Variants in PRAG1 observed in about 807,000 individuals in gnomAD.
The protein encoded by PRAG1 is PEAK1 related, kinase-activating pseudokinase 1.
In PRAG1, 110 loss-of-function variants were observed where a neutral mutation model predicts 95.6. The observed-to-expected ratio is 1.15, with a 90% CI of 0.99 to 1.35. The LOEUF (loss-of-function observed/expected upper bound fraction) is 1.35. Ranked by LOEUF, PRAG1 falls within the 40% of genes most tolerant of loss-of-function variation. PRAG1 has a pLI of 0.00. For missense variants in PRAG1, 2,554 were observed against 1,864.7 expected (o/e 1.37, Z -6.81); for synonymous variants, 1,052 against 819.4 (o/e 1.28, Z -4.85).
chr8:8,330,113 C>G (rs1345996581), intron 4 of PRAG1, among the ~76,000 whole-genome samples: 1 of 152,182 alleles, frequency 6.6e-6, no homozygotes, highest in African/African-American at 2.4e-5. Context: ...TGCCTGTAAT[C>G]TCAGCACTTT....
intron 3 of PRAG1, among the ~76,000 whole-genome samples, chr8:8,340,468 C>G (rs1585236092): frequency 6.6e-6 from 1 of 152,220 alleles, no homozygotes; most frequent in East Asian, 1.9e-4. Flanking sequence ...AGATCCACAC[C>G]AGGTCCAGCT....
chr8:8,336,901 A>ACCCCCCTTCCCCCCCCCCCCCCCCCCCCC (rs1312709918), intron 4 of PRAG1, among the ~76,000 whole-genome samples: 1 of 22,192 alleles, frequency 4.5e-5, no homozygotes, highest in Non-Finnish European at 8.2e-5. Context: ...CCCTCCCCAC[A>ACCCCCCTTCCCCCCCCCCCCCCCCCCCCC]CCCCTTTCCC....
chr8:8,384,979 T>A (rs1480897743), intron 1 of PRAG1, among the ~76,000 whole-genome samples: 1 of 152,210 alleles, frequency 6.6e-6, no homozygotes, highest in African/African-American at 2.4e-5. Context: ...AGACTGAAGC[T>A]GTCAGATACA....
chr8:8,321,963 A>G (rs964956566), intron 5 of PRAG1, among the ~76,000 whole-genome samples: 2 of 152,166 alleles, frequency 1.3e-5, no homozygotes, highest in African/African-American at 2.4e-5. Flanking sequence ...TGTTTCATGT[A>G]TGCTTCTGTT....
At position 8,328,268 on chromosome 8, in the gene PRAG1, G is replaced by T. The variant is rs758462451; in HGVS notation, c.2514C>A (p.Pro838=). The T allele has an allele frequency of 1.1e-5, 17 of 1,614,054 alleles. No individual in the cohort carries two copies. Among genetic ancestry groups the T allele is most frequent in the Non-Finnish European group, 1.3e-5 (15 of 1,180,020 alleles). ...PDGFFWTQGS[P]KPGTASPKLN... is the part of the protein sequence containing the mutation. ...GCTTGGGGCTTGCTGTTCCGGGCTT[G>T]GGGGAGCCTTGGGTCCAGAAGAAGC... The change falls in exon 5 of 6, where the codon CCC becomes CCA. Residue 838 remains proline, a synonymous_variant. Transcript: ENST00000615670.
In PRAG1 at chr8:8,334,669, T is replaced by C. The variant is rs1798929852; in HGVS notation, c.2320+4809A>G. Among the ~76,000 whole-genome samples the C allele has an allele frequency of 2.0e-5, 3 of 149,596 alleles. 1 individual carries two copies. In the South Asian group the frequency reaches 6.5e-4, roughly 33 times the overall value. On this transcript the variant is annotated intron_variant, in intron 4 of 5. Coordinates refer to ENST00000615670, the MANE Select transcript of PRAG1 (RefSeq NM_001080826.3). The stretch of plus-strand genomic sequence containing the variant: ...CTCACTTTGGAAAACAGGCTCTAAG[T>C]ATCTCGAATGCCCTGCCTACAGCTC...
In PRAG1 at chr8:8,362,554, G is replaced by A. The variant is rs938840135; in HGVS notation, c.2162+13693C>T. Among the ~76,000 whole-genome samples, 4 of 152,186 alleles carry A rather than the reference G, an allele frequency of 2.6e-5. No individual in the cohort carries two copies. The South Asian group carries it at 8.3e-4, about 31-fold the overall frequency. On this transcript the variant is annotated intron_variant, in intron 3 of 5. Coordinates refer to ENST00000615670, the MANE Select transcript of PRAG1 (RefSeq NM_001080826.3). ...ACAAGGCAGTGGGGCACCTCCCCTA[G>A]GAGAAAGATCAGAGACCCTGCCCCA...
chr8:8,353,454 A>C (rs1258687016), intron 3 of PRAG1, among the ~76,000 whole-genome samples: 1 of 152,200 alleles, frequency 6.6e-6, no homozygotes, highest in African/African-American at 2.4e-5. Flanking sequence ...CTCCCAAAAC[A>C]ACCAGTAGTT....
At position 8,377,187 on chromosome 8, in the gene PRAG1, G is replaced by C. The variant is rs371225680; in HGVS notation, c.1222C>G (p.Gln408Glu). 13 of 1,611,748 alleles carry C rather than the reference G, an allele frequency of 8.1e-6. No individual in the cohort carries two copies. The Admixed American group carries it at 1.0e-4, about 12-fold the overall frequency. Residue 408 changes from glutamine (Q) to glutamate (E), a missense_variant, in exon 3 of 6, where the codon CAG becomes GAG. Coordinates refer to ENST00000615670, the MANE Select transcript of PRAG1 (RefSeq NM_001080826.3). ...CTCTCAGCATAGATGGGTTCAGGCT[G>C]TGTAGCCTCCCGGGGGTGGGCCGGG... Reference protein sequence around the residue: ...QPPAHPREATQPEPIYAESTK... With the variant: ...QPPAHPREATEPEPIYAESTK...
At position 8,376,567 on chromosome 8, in the gene PRAG1, C is replaced by G; in HGVS notation, c.1842G>C (p.Gln614His). Reference protein sequence around the residue: ...VAISDPSRCPQPAASSASEQR... With the variant: ...VAISDPSRCPHPAASSASEQR... ...GTTCCGAGGCTGACGAGGCGGCAGG[C>G]TGGGGACACCTGGATGGGTCACTGA... The change falls in exon 3 of 6, where the codon CAG becomes CAC. Residue 614 changes from glutamine (Q) to histidine (H), a missense_variant. Physicochemically the swap from Gln to His is conservative, Grantham distance 24 (BLOSUM62 0). Coordinates refer to ENST00000615670, the MANE Select transcript of PRAG1 (RefSeq NM_001080826.3). The G allele has an allele frequency of 1.2e-6, 2 of 1,607,216 alleles. No homozygotes were observed. The highest frequency in any genetic ancestry group is 2.2e-5 in the East Asian group (1 of 44,728).
intron 3 of PRAG1, among the ~76,000 whole-genome samples, 168 bp downstream of exon 3, chr8:8,376,079 C>G (rs1800375952): frequency 6.6e-6 from 1 of 152,132 alleles, no homozygotes; most frequent in African/African-American, 2.4e-5. Flanking sequence ...GGCCACAACT[C>G]CTGCTCTCCG....
In PRAG1 at chr8:8,376,782, C is replaced by T. The variant is rs377570909; in HGVS notation, c.1627G>A (p.Ala543Thr). 4.7e-5 allele frequency: 76 copies of T among 1,610,700 alleles called. No homozygotes were observed. Among genetic ancestry groups the T allele is most frequent in the East Asian group, 1.1e-4 (5 of 44,876 alleles). ...ASESKPKERP[A>T]IPPKLSKSSP... is the part of the protein sequence containing the mutation. ...CTCTTGGACAACTTGGGGGGAATGG[C>T]GGGCCTCTCCTTGGGCTTGCTCTCG... Residue 543 changes from alanine (A) to threonine (T), a missense_variant, in exon 3 of 6, where the codon GCC becomes ACC. Coordinates refer to ENST00000615670, the MANE Select transcript of PRAG1 (RefSeq NM_001080826.3).
intron 3 of PRAG1, among the ~76,000 whole-genome samples, chr8:8,368,279 G>C (rs1217001186): frequency 6.6e-6 from 1 of 152,164 alleles, no homozygotes; most frequent in Non-Finnish European, 1.5e-5. Flanking sequence ...GTTTATATAA[G>C]TCTGCCTGTC....
In PRAG1 at chr8:8,339,854, G is replaced by A. The variant is rs183715370; in HGVS notation, c.2163-219C>T. Among the ~76,000 whole-genome samples, 102 of 152,262 alleles carry A rather than the reference G, an allele frequency of 6.7e-4. 1 individual carries two copies. The highest frequency in any genetic ancestry group is 1.4e-3 in the African/African-American group (58 of 41,536). ...CTTCCAGAGTGTGGTTAGGAGAAGC[G>A]AGTCTATTAAATTTAAACAAGCACC... On this transcript the variant is annotated intron_variant, in intron 3 of 5. Transcript: ENST00000615670.
chr8:8,359,760 T>A (rs564717938), intron 3 of PRAG1, among the ~76,000 whole-genome samples: 91 of 152,336 alleles, frequency 6.0e-4, no homozygotes, highest in Admixed American at 3.9e-4. Flanking sequence ...TGACCAGACA[T>A]CTGGATGTAT....
chr8:8,337,908 C>T (rs925505114), intron 4 of PRAG1, among the ~76,000 whole-genome samples: 1 of 152,122 alleles, frequency 6.6e-6, no homozygotes, highest in Non-Finnish European at 1.5e-5. Context: ...CCCATTTCCC[C>T]TTGCCGGTGT....
At chr8:8,343,896 TCTGG>T (rs1338791871) in intron 3 of PRAG1, among the ~76,000 whole-genome samples, 1 of 152,158 alleles carries the variant, frequency 6.6e-6, no homozygotes, top group African/African-American at 2.4e-5. Flanking sequence ...TTTTAAGTTT[TCTGG>T]TAACCACATT....
chr8:8,325,286 C>T (rs950016754), intron 5 of PRAG1, among the ~76,000 whole-genome samples: 14 of 152,148 alleles, frequency 9.2e-5, no homozygotes, highest in African/African-American at 3.4e-4. Flanking sequence ...TTCCTGGTAA[C>T]GTTGTTCCAA....
chr8:8,325,451 G>A (rs1467570314), intron 5 of PRAG1, among the ~76,000 whole-genome samples: 1 of 152,150 alleles, frequency 6.6e-6, no homozygotes, highest in Non-Finnish European at 1.5e-5. Flanking sequence ...TTTGGTTTCT[G>A]TGTGGCTTCT....
Sources: gnomAD v4.1 joint callset for allele counts (sites outside exome capture counted in the v4.1 genomes callset) on GRCh38, gnomAD v4.1.1 for gene constraint, MANE v1.5 for transcripts, NCBI Gene and HGNC (gene_info 2026-07-23, HGNC 2026-07-21) for gene names.